The following CHL1 variants were observed in gnomAD, a reference collection of about 807,000 sequenced individuals.
The protein encoded by CHL1 is cell adhesion molecule L1 like, also known as neural cell adhesion molecule L1-like protein.
A neutral mutation model predicts 141.9 loss-of-function variants in CHL1; 96 were observed. The observed-to-expected ratio is 0.68, with a 90% CI of 0.57 to 0.80. CHL1 has a LOEUF of 0.80. Ranked by LOEUF, CHL1 falls within the 30% of genes least tolerant of loss-of-function variation. The pLI is 0.00. For missense variants in CHL1, 1,820 were observed against 1,457.2 expected (o/e 1.25, Z -4.05); for synonymous variants, 613 against 502.2 (o/e 1.22, Z -2.95).
chr3:216,612 A>C (rs1309701121), intron 1 of CHL1, among the ~76,000 whole-genome samples: 3 of 152,204 alleles, frequency 2.0e-5, no homozygotes, highest in Non-Finnish European at 4.4e-5. Flanking sequence ...CTGAACTTCA[A>C]ATTTCTCCTA....
chr3:393,881 G>C (rs935230731), intron 23 of CHL1, among the ~76,000 whole-genome samples: 1 of 152,094 alleles, frequency 6.6e-6, no homozygotes, highest in South Asian at 2.1e-4. Flanking sequence ...ACCAAGGAAG[G>C]CATTTTTATG....
At chr3:366,432 C>G (rs1704892545) in intron 15 of CHL1, among the ~76,000 whole-genome samples, 1 of 150,084 alleles carries the variant, frequency 6.7e-6, no homozygotes, top group Non-Finnish European at 1.5e-5. Context: ...GATCACACCA[C>G]TGTACTCCAG....
At chr3:238,963 C>CT (rs10676333) in intron 1 of CHL1, among the ~76,000 whole-genome samples, 111,812 of 148,892 alleles carry the variant, frequency 0.75, 42,011 homozygotes, top group Non-Finnish European at 0.78. Context: ...AACAAAAAAT[C>CT]TTTTTTTTTT....
chr3:284,250 C>T (rs904530081), intron 2 of CHL1, among the ~76,000 whole-genome samples: 1 of 152,104 alleles, frequency 6.6e-6, no homozygotes, highest in Admixed American at 6.6e-5. Flanking sequence ...CAAGGAAGGA[C>T]TTTCTGAGGT....
chr3:356,225 A>G (rs1485895281), intron 11 of CHL1, among the ~76,000 whole-genome samples: 1 of 152,260 alleles, frequency 6.6e-6, no homozygotes, highest in African/African-American at 2.4e-5. Context: ...ACTTTTGTTT[A>G]TAATGAATGT....
At chr3:399,182 T>C (rs1300922448) in intron 26 of CHL1, 34 bp downstream of exon 26, 1 of 1,559,208 alleles carries the variant, frequency 6.4e-7, no homozygotes, top group Admixed American at 1.7e-5. Context: ...TTTCAACTTA[T>C]TAAAAAGCAT....
intron 5 of CHL1, among the ~76,000 whole-genome samples, chr3:332,257 G>A (rs959154463): frequency 6.6e-6 from 1 of 152,110 alleles, no homozygotes; most frequent in African/African-American, 2.4e-5. Context: ...AATATGTTGA[G>A]CAATAAAAGT....
At chr3:262,981 C>A (rs1162523600) in intron 2 of CHL1, among the ~76,000 whole-genome samples, 9 of 152,274 alleles carry the variant, frequency 5.9e-5, no homozygotes, top group Admixed American at 4.6e-4. Context: ...TCCTAATGAC[C>A]TTGTTTAGCT....
chr3:313,721 G>T (rs1300103970), intron 2 of CHL1, among the ~76,000 whole-genome samples: 1 of 152,146 alleles, frequency 6.6e-6, no homozygotes, highest in Non-Finnish European at 1.5e-5. Context: ...TTAACCATTT[G>T]TATGCATTGT....
intron 9 of CHL1, among the ~76,000 whole-genome samples, chr3:346,466 G>A (rs954463490): frequency 9.2e-5 from 14 of 152,182 alleles, no homozygotes; most frequent in African/African-American, 3.4e-4. Flanking sequence ...GATCCTTTCT[G>A]TAATTCTTTT....
intron 1 of CHL1, among the ~76,000 whole-genome samples, chr3:231,575 CTTTTTT>C (rs5845954): frequency 2.0e-5 from 2 of 100,562 alleles, no homozygotes; most frequent in African/African-American, 3.3e-5. Flanking sequence ...TTATTTCTTC[CTTTTTT>C]TTTTTTTTTT....
At chr3:292,161 CTG>C (rs1697750440) in intron 2 of CHL1, among the ~76,000 whole-genome samples, 1 of 152,190 alleles carries the variant, frequency 6.6e-6, no homozygotes, top group Non-Finnish European at 1.5e-5. Context: ...AATGCTGACT[CTG>C]TGTTTCAAAT....
intron 1 of CHL1, among the ~76,000 whole-genome samples, chr3:236,781 T>C (rs965269311): frequency 2.1e-5 from 3 of 145,996 alleles, no homozygotes; most frequent in Non-Finnish European, 4.4e-5. Context: ...TCTTCCTCTG[T>C]GTGAATCCCA....
chr3:274,054 G>C (rs571915753), intron 2 of CHL1, among the ~76,000 whole-genome samples: 1 of 152,290 alleles, frequency 6.6e-6, no homozygotes, highest in South Asian at 2.1e-4. Flanking sequence ...CACTTCACCA[G>C]TTTCCATTCA....
chr3:248,769 C>T (rs2125128505), intron 2 of CHL1, among the ~76,000 whole-genome samples: 1 of 152,218 alleles, frequency 6.6e-6, no homozygotes, highest in East Asian at 1.9e-4. Flanking sequence ...AGAGAAAAGA[C>T]TGACTATAAT....
In CHL1 at chr3:349,372, G is replaced by C; in HGVS notation, c.862G>C (p.Val288Leu). 1 of 1,613,414 alleles carries C rather than the reference G, an allele frequency of 6.2e-7. No homozygotes were observed. The highest frequency in any genetic ancestry group is 8.5e-7 in the Non-Finnish European group (1 of 1,179,584). ...TATTTTTTGCAGGCCAACTCCACAGGTTGATTGGAACAAAATTGGTGGTGA... is the reference window on the plus strand; with the variant it reads ...TATTTTTTGCAGGCCAACTCCACAGCTTGATTGGAACAAAATTGGTGGTGA... Reference protein sequence around the residue: ...CFAEGLPTPQVDWNKIGGDLP... With the variant: ...CFAEGLPTPQLDWNKIGGDLP... The change falls in exon 10 of 28, where the codon GTT becomes CTT. Residue 288 changes from valine to leucine, a missense_variant. Coordinates refer to ENST00000256509, the MANE Select transcript of CHL1 (RefSeq NM_006614.4).
chr3:360,742 TC>T (rs1253116762), intron 12 of CHL1, among the ~76,000 whole-genome samples: 2 of 35,374 alleles, frequency 5.7e-5, no homozygotes, highest in Non-Finnish European at 1.0e-4. Flanking sequence ...CCGCCCCCCC[TC>T]CCCCCACCCC....
chr3:381,937 A>T lies in CHL1; in HGVS notation c.1877-242A>T, dbSNP rs943383591. ...TTCCAGCTTCCTTGGCTATTGTTTA[A>T]AGCTACTATTACCTCCGTTCTTATC... On this transcript the variant is annotated intron_variant, in intron 16 of 27. Transcript: ENST00000256509. Among the ~76,000 whole-genome samples the T allele has an allele frequency of 5.9e-5, 9 of 151,540 alleles. No individual in the cohort carries two copies. In the East Asian group the frequency reaches 1.4e-3, roughly 23 times the overall value.
chr3:238,993 T>C (rs1279611186), intron 1 of CHL1, among the ~76,000 whole-genome samples: 1 of 151,526 alleles, frequency 6.6e-6, no homozygotes, highest in Non-Finnish European at 1.5e-5. Flanking sequence ...GAATAAGGCA[T>C]GTAGCTGCTC....
Sources: allele counts gnomAD v4.1 joint callset (sites outside exome capture counted in the v4.1 genomes callset), GRCh38; gene constraint gnomAD v4.1.1; transcripts MANE v1.5; gene names NCBI Gene and HGNC (gene_info 2026-07-23, HGNC 2026-07-21).